The following GRIA4 variants were observed in gnomAD, a reference collection of about 807,000 sequenced individuals.
The protein encoded by GRIA4 is glutamate ionotropic receptor AMPA type subunit 4.
A neutral mutation model predicts 104.0 loss-of-function variants in GRIA4; 34 were observed. That is an observed-to-expected ratio of 0.33 (90% CI 0.25 to 0.44). The LOEUF is 0.44. GRIA4 is among the 20% of genes least tolerant of loss of function. The probability of loss-of-function intolerance (pLI) is 1.00; values close to 1 mark genes in which losing one functional copy is unlikely to be tolerated. For synonymous variants in GRIA4, 386 were observed against 381.9 expected (o/e 1.01, Z -0.13); for missense variants, 750 against 1,096.5 (o/e 0.68, Z 4.46).
intron 3 of GRIA4, chr11:105,614,370 C>T (rs1238275065): frequency 6.6e-6 from 1 of 151,588 alleles, no homozygotes; most frequent in Non-Finnish European, 1.5e-5. Context: ...TTTGGGATAA[C>T]TGTAACTAGT....
At chr11:105,782,406 C>T (rs1229890481) in intron 4 of GRIA4, among the ~76,000 whole-genome samples, 1 of 152,160 alleles carries the variant, frequency 6.6e-6, no homozygotes, top group Non-Finnish European at 1.5e-5. Flanking sequence ...TTGTTTCAAT[C>T]ATAATAATAG....
intron 3 of GRIA4, among the ~76,000 whole-genome samples, chr11:105,688,144 CTA>C (rs766233419): frequency 8.6e-4 from 52 of 60,426 alleles, no homozygotes; most frequent in African/African-American, 1.9e-3. Flanking sequence ...ATATCTATAT[CTA>C]TATCTATATC....
intron 3 of GRIA4, among the ~76,000 whole-genome samples, chr11:105,654,490 T>C (rs1377824669): frequency 6.6e-6 from 1 of 152,126 alleles, no homozygotes; most frequent in Non-Finnish European, 1.5e-5. Context: ...ATTATGTGTA[T>C]ATTAATATAC....
In GRIA4 at chr11:105,958,761, C is replaced by G. The variant is rs192081166; in HGVS notation, c.2295-13153C>G. ...AGTGGCTGGTACTGGTTTTTCCCTT[C>G]CATATTTAGTGTTTCTTTCAGGAGC... On this transcript the variant is annotated intron_variant, in intron 14 of 16. Coordinates refer to ENST00000282499, the MANE Select transcript of GRIA4 (RefSeq NM_000829.4). Among the ~76,000 whole-genome samples the G allele has an allele frequency of 1.2e-4, 19 of 152,066 alleles. No individual in the cohort carries two copies. The South Asian group carries it at 1.7e-3, about 13-fold the overall frequency.
In GRIA4 at chr11:105,957,206, T is replaced by C. The variant is rs188609156; in HGVS notation, c.2295-14708T>C. On this transcript the variant is annotated intron_variant, in intron 14 of 16. Transcript: ENST00000282499. ...GCCCATGCCTATGTCCTGTATGGTA[T>C]TCCCTATGCTATCTTCTAGGGTTTT... is the stretch of plus-strand genomic sequence containing the variant. 2.7e-3 allele frequency among the ~76,000 whole-genome samples: 408 copies of C among 152,320 alleles called. 1 individual carries two copies. Among genetic ancestry groups the C allele is most frequent in the African/African-American group, 8.9e-3 (369 of 41,580 alleles).
intron 14 of GRIA4, among the ~76,000 whole-genome samples, chr11:105,946,050 C>T (rs987631632): frequency 2.0e-5 from 3 of 151,996 alleles, no homozygotes; most frequent in African/African-American, 4.8e-5. Context: ...TTTTAAGGTG[C>T]CATAGGAAAA....
At chr11:105,783,744 TTGTGTG>T (rs56222983) in intron 4 of GRIA4, among the ~76,000 whole-genome samples, 7,838 of 145,418 alleles carry the variant, frequency 0.054, 212 homozygotes, top group Middle Eastern at 0.091. Flanking sequence ...TGGATGTTAT[TTGTGTG>T]TGTGTGTGTG....
chr11:105,634,501 G>GAAAGAAAGA (rs1555085868), intron 3 of GRIA4, among the ~76,000 whole-genome samples: 88 of 66,492 alleles, frequency 1.3e-3, no homozygotes, highest in African/African-American at 3.6e-3. Flanking sequence ...AAGAAAGAAA[G>GAAAGAAAGA]AAAGAAAGAA....
Position 105,702,143 on chromosome 11 carries a change from A to G in GRIA4, c.248-50838A>G, listed in dbSNP as rs975121009. ...GAGAAAGGATCTCACTATGTTACCCAGGCTGGTATCAAACTCCTGGCCTCA... is the reference window on the plus strand; with the variant it reads ...GAGAAAGGATCTCACTATGTTACCCGGGCTGGTATCAAACTCCTGGCCTCA... On this transcript the variant is annotated intron_variant, in intron 3 of 16. Coordinates refer to ENST00000282499, the MANE Select transcript of GRIA4 (RefSeq NM_000829.4). 7.9e-5 allele frequency among the ~76,000 whole-genome samples: 12 copies of G among 152,292 alleles called. No individual in the cohort carries two copies. In the South Asian group the frequency reaches 1.2e-3, roughly 16 times the overall value.
chr11:105,768,679 T>C (rs1941067960), intron 4 of GRIA4, among the ~76,000 whole-genome samples: 1 of 152,020 alleles, frequency 6.6e-6, no homozygotes, highest in Non-Finnish European at 1.5e-5. Flanking sequence ...ATTTCACACA[T>C]AGTAGGAAGG....
intron 4 of GRIA4, among the ~76,000 whole-genome samples, chr11:105,815,954 T>C (rs1943358539): frequency 6.6e-6 from 1 of 152,184 alleles, no homozygotes; most frequent in African/African-American, 2.4e-5. Flanking sequence ...TAAGCACAAC[T>C]CTTCCTTACT....
In GRIA4 at chr11:105,641,243, C is replaced by A. The variant is rs111333554; in HGVS notation, c.247+28809C>A. On this transcript the variant is annotated intron_variant, in intron 3 of 16. Coordinates refer to ENST00000282499, the MANE Select transcript of GRIA4 (RefSeq NM_000829.4). ...TTAAATAAAATTCTGAAATTATCAACTATATTAATTTTAATCTGAGCACTA... is the reference window on the plus strand; with the variant it reads ...TTAAATAAAATTCTGAAATTATCAAATATATTAATTTTAATCTGAGCACTA... Among the ~76,000 whole-genome samples, 754 of 152,154 alleles carry A rather than the reference C, an allele frequency of 5.0e-3. 10 individuals are homozygous for A. Among genetic ancestry groups the A allele is most frequent in the African/African-American group, 0.017 (719 of 41,522 alleles).
intron 4 of GRIA4, among the ~76,000 whole-genome samples, chr11:105,767,894 T>C (rs1406314446): frequency 1.3e-5 from 2 of 152,152 alleles, no homozygotes; most frequent in Non-Finnish European, 2.9e-5. Flanking sequence ...CACAACATTA[T>C]GCTGCCGATG....
intron 5 of GRIA4, among the ~76,000 whole-genome samples, chr11:105,872,323 G>A (rs1008719694): frequency 6.6e-6 from 1 of 152,022 alleles, no homozygotes; most frequent in Non-Finnish European, 1.5e-5. Flanking sequence ...ATATAATAAA[G>A]AAAAGATATA....
At chr11:105,820,392 C>T (rs1943533630) in intron 4 of GRIA4, among the ~76,000 whole-genome samples, 1 of 152,102 alleles carries the variant, frequency 6.6e-6, no homozygotes, top group Non-Finnish European at 1.5e-5. Flanking sequence ...CCGTGCTCTT[C>T]ATAACCCTTC....
chr11:105,909,556 T>C (rs1381050565), intron 9 of GRIA4, among the ~76,000 whole-genome samples: 1 of 152,144 alleles, frequency 6.6e-6, no homozygotes, highest in Admixed American at 6.6e-5. Flanking sequence ...ATCTCTAAAA[T>C]GTGGACAATA....
chr11:105,684,139 G>C (rs2135473567), intron 3 of GRIA4, among the ~76,000 whole-genome samples: 1 of 152,210 alleles, frequency 6.6e-6, no homozygotes, highest in South Asian at 2.1e-4. Context: ...CTCCCAAAGT[G>C]CTGGGATTAC....
chr11:105,834,807 C>A (rs1944115999), intron 4 of GRIA4, among the ~76,000 whole-genome samples: 1 of 150,190 alleles, frequency 6.7e-6, no homozygotes, highest in South Asian at 2.1e-4. Context: ...CTAGAGCATG[C>A]CTGCAGCAAG....
At chr11:105,740,100 C>G (rs1274942718) in intron 3 of GRIA4, among the ~76,000 whole-genome samples, 1 of 152,194 alleles carries the variant, frequency 6.6e-6, no homozygotes, top group Non-Finnish European at 1.5e-5. Flanking sequence ...CCTGATAAAA[C>G]AAAATAAAGA....
Sources: allele counts gnomAD v4.1 joint callset (sites outside exome capture counted in the v4.1 genomes callset), GRCh38; gene constraint gnomAD v4.1.1; transcripts MANE v1.5; gene names NCBI Gene and HGNC (gene_info 2026-07-23, HGNC 2026-07-21).